RTN4IP1: variants seen among roughly 807,000 people sequenced by gnomAD.
RTN4IP1 encodes the protein reticulon 4 interacting protein 1.
In RTN4IP1, 32 loss-of-function variants were observed where a neutral mutation model predicts 46.6. The ratio of observed to expected loss-of-function variants is 0.69; its 90% CI spans 0.52 to 0.92. The LOEUF (loss-of-function observed/expected upper bound fraction) is 0.92. Ranked by LOEUF, RTN4IP1 falls within the 40% of genes least tolerant of loss-of-function variation. RTN4IP1 has a pLI of 0.00. For synonymous variants in RTN4IP1, 167 were observed against 161.8 expected (o/e 1.03, Z -0.24); for missense variants, 424 against 485.8 (o/e 0.87, Z 1.20).
chr6:106,585,496 AAAG>A (rs1011017042), intron 7 of RTN4IP1, among the ~76,000 whole-genome samples: 1 of 152,204 alleles, frequency 6.6e-6, no homozygotes, highest in Non-Finnish European at 1.5e-5. Flanking sequence ...TTAGGGTATT[AAAG>A]AAGGAACAGA....
chr6:106,615,568 G>A lies in RTN4IP1; in HGVS notation c.620+3634C>T, dbSNP rs142851100. Among the ~76,000 whole-genome samples, 1,230 of 152,130 alleles carry A rather than the reference G, an allele frequency of 8.1e-3. 9 individuals are homozygous for A. The highest frequency in any genetic ancestry group is 0.014 in the African/African-American group (566 of 41,504). On this transcript the variant is annotated intron_variant, in intron 4 of 8. Transcript: ENST00000369063. The stretch of plus-strand genomic sequence containing the variant: ...CAGCTCACTGTAACCTCCGCCTCCC[G>A]TGTTCAAGCAATCCTCCTGCCTCAG...
intron 7 of RTN4IP1, among the ~76,000 whole-genome samples, chr6:106,584,276 A>G (rs1775434431): frequency 6.6e-6 from 1 of 152,182 alleles, no homozygotes; most frequent in Non-Finnish European, 1.5e-5. Flanking sequence ...AGGGTAGGCC[A>G]TTACGGAAAC....
rs71752160 is a variant in RTN4IP1, at chr6:106,578,914, CT to C, written c.1083+4413del. ...CATGGTCTAAGTTCTTCTTCTTCTTCTTTTTTTTTTTTTTAACAAATCTTTA... is the reference window on the plus strand; with the variant it reads ...CATGGTCTAAGTTCTTCTTCTTCTTCTTTTTTTTTTTTTAACAAATCTTTA... On this transcript the variant is annotated intron_variant, in intron 8 of 8. Coordinates refer to ENST00000369063, the MANE Select transcript of RTN4IP1 (RefSeq NM_032730.5). Among the ~76,000 whole-genome samples, 1,151 of 144,734 alleles carry C rather than the reference CT, an allele frequency of 8.0e-3. 5 individuals are homozygous for C. Among genetic ancestry groups the C allele is most frequent in the African/African-American group, 0.014 (557 of 39,668 alleles). The allele number at this position is 144,734 out of a possible 152,430, so 95.0% of individuals were successfully genotyped here.
At chr6:106,574,790 C>T (rs1009999247) in intron 8 of RTN4IP1, among the ~76,000 whole-genome samples, 3 of 152,314 alleles carry the variant, frequency 2.0e-5, no homozygotes, top group Admixed American at 6.5e-5. Context: ...AAACCAAAAC[C>T]GGCTGAACTG....
At chr6:106,592,375 C>A in intron 5 of RTN4IP1, 75 bp from the exon 6 acceptor site, 1 of 1,443,178 alleles carries the variant, frequency 6.9e-7, no homozygotes, top group South Asian at 1.3e-5. Flanking sequence ...AAAAAAAAAT[C>A]ATTGGCACCA....
At position 106,628,919 on chromosome 6, in the gene RTN4IP1, T is replaced by G; in HGVS notation, c.103A>C (p.Thr35Pro). The change falls in exon 1 of 9, where the codon ACT becomes CCT. Residue 35 changes from threonine (T) to proline (P), a missense_variant. Transcript: ENST00000369063. ...VQKPSVRRIS[T>P]TSPRSTVMPA... The stretch of plus-strand genomic sequence containing the variant: ...ATGACAGTGCTCCTAGGAGAGGTAG[T>G]ACTAATCCTTCTAACTGAAGGCTTT... 1 of 1,614,088 alleles carries G rather than the reference T, an allele frequency of 6.2e-7. No homozygotes were observed. The highest frequency in any genetic ancestry group is 8.5e-7 in the Non-Finnish European group (1 of 1,179,986).
upstream of RTN4IP1, chr6:106,629,779 G>A (rs1219271921): frequency 1.9e-6 from 3 of 1,546,180 alleles, no homozygotes; most frequent in African/African-American, 2.7e-5. Flanking sequence ...AAGAGTCCCT[G>A]GGCCTTACCA....
rs745641610 is a variant in RTN4IP1 at position 106,592,261 on chromosome 6, A to G, written c.709T>C (p.Ser237Pro). 6.2e-7 allele frequency: 1 copy of G among 1,614,038 alleles called. No homozygotes were observed. Among genetic ancestry groups the G allele is most frequent in the Non-Finnish European group, 8.5e-7 (1 of 1,180,020 alleles). Residue 237 changes from serine (S) to proline (P), a missense_variant, in exon 6 of 9, where the codon TCC (serine) becomes CCC (proline). Coordinates refer to ENST00000369063, the MANE Select transcript of RTN4IP1 (RefSeq NM_032730.5). ...AWDAHVTAVC[S>P]QDASELVRKL... is the part of the protein sequence containing the mutation. ...CTTACAAGTTCACTGGCATCTTGGG[A>G]GCAAACTGCTGTCACATGAGCATCC...
intron 4 of RTN4IP1, among the ~76,000 whole-genome samples, chr6:106,617,760 C>T (rs1163145818): frequency 6.6e-6 from 1 of 152,148 alleles, no homozygotes. Flanking sequence ...AGTAAGTCCA[C>T]AGAGCCCTGA....
upstream of RTN4IP1, chr6:106,629,613 C>G (rs1356033696): frequency 3.9e-6 from 6 of 1,550,032 alleles, no homozygotes; most frequent in Middle Eastern, 3.7e-4. Flanking sequence ...CATGTAACAT[C>G]ACTAGCGACC....
In RTN4IP1 at chr6:106,570,898, A is replaced by G. The variant is rs1775040510; in HGVS notation, c.*1098T>C. ...AATCTCAAAACAGGTCTACATCAAA[A>G]GTTACAAGCAAGCATATCAGGTGCA... On this transcript the variant is annotated 3_prime_UTR_variant, in exon 9 of 9. Coordinates refer to ENST00000369063, the MANE Select transcript of RTN4IP1 (RefSeq NM_032730.5). 6.6e-6 allele frequency: 1 copy of G among 152,244 alleles called. No homozygotes were observed. The highest frequency in any genetic ancestry group is 1.5e-5 in the Non-Finnish European group (1 of 68,048). The allele number at this position is 152,244 out of a possible 1,614,324, so 9.4% of individuals were successfully genotyped here. A position where few individuals can be genotyped will look rare whatever the true frequency, so the allele number is the denominator to read the frequency against.
intron 4 of RTN4IP1, among the ~76,000 whole-genome samples, chr6:106,603,313 A>C (rs1042298215): frequency 5.9e-5 from 9 of 152,306 alleles, no homozygotes; most frequent in Admixed American, 3.3e-4. Flanking sequence ...CTCTAAGAAA[A>C]ATCACATTCC....
At chr6:106,599,297 A>G (rs1178111842) in intron 5 of RTN4IP1, among the ~76,000 whole-genome samples, 1 of 152,048 alleles carries the variant, frequency 6.6e-6, no homozygotes, top group Non-Finnish European at 1.5e-5. Context: ...ATAAATATAC[A>G]GCTTAACAAA....
At chr6:106,603,213 G>A (rs2114656195) in intron 4 of RTN4IP1, among the ~76,000 whole-genome samples, 1 of 152,262 alleles carries the variant, frequency 6.6e-6, no homozygotes, top group South Asian at 2.1e-4. Context: ...TGTAATATCT[G>A]CCTTATAATT....
At chr6:106,609,634 GT>G (rs1776174186) in intron 4 of RTN4IP1, among the ~76,000 whole-genome samples, 1 of 152,188 alleles carries the variant, frequency 6.6e-6, no homozygotes, top group Admixed American at 6.5e-5. Context: ...CTGCATTCAA[GT>G]TTCTTCCAGT....
intron 8 of RTN4IP1, among the ~76,000 whole-genome samples, chr6:106,583,076 C>T (rs1353823920): frequency 6.6e-6 from 1 of 152,210 alleles, no homozygotes; most frequent in East Asian, 1.9e-4. Context: ...GGGCCCGCCT[C>T]TTCATCTACT....
In RTN4IP1 at chr6:106,571,969, T is replaced by A; in HGVS notation, c.*27A>T. 6.4e-7 allele frequency: 1 copy of A among 1,569,188 alleles called. No individual in the cohort carries two copies. The highest frequency in any genetic ancestry group is 8.8e-7 in the Non-Finnish European group (1 of 1,140,652). ...CACAGGCACTCACCAAATAAGAACG[T>A]CAACAATCACTAAACTGCATTTTTA... On this transcript the variant is annotated 3_prime_UTR_variant, in exon 9 of 9. Transcript: ENST00000369063.
At chr6:106,609,000 C>T (rs1373598982) in intron 4 of RTN4IP1, among the ~76,000 whole-genome samples, 2 of 152,192 alleles carry the variant, frequency 1.3e-5, no homozygotes, top group African/African-American at 4.8e-5. Flanking sequence ...ATTCTTCCCC[C>T]TACATTGCAC....
rs899879750 is a variant in RTN4IP1, at chr6:106,585,820, C to A, written c.990+1859G>T. ...AATGAAGAGAGCTGTGCCTGTTTTA[C>A]TCTCCGAGGACAACTCTGAAGGTTA... is the stretch of plus-strand genomic sequence containing the variant. On this transcript the variant is annotated intron_variant, in intron 7 of 8. Coordinates refer to ENST00000369063, the MANE Select transcript of RTN4IP1 (RefSeq NM_032730.5). Among the ~76,000 whole-genome samples, 4 of 152,220 alleles carry A rather than the reference C, an allele frequency of 2.6e-5. 1 individual carries two copies. The highest frequency in any genetic ancestry group is 7.2e-5 in the African/African-American group (3 of 41,454).
Sources: allele counts gnomAD v4.1 joint callset (sites outside exome capture counted in the v4.1 genomes callset), GRCh38; gene constraint gnomAD v4.1.1; transcripts MANE v1.5; gene names NCBI Gene and HGNC (gene_info 2026-07-23, HGNC 2026-07-21).